UBE3B: variants seen among roughly 807,000 people sequenced by gnomAD.
UBE3B encodes ubiquitin protein ligase E3B.
UBE3B carries 80 observed loss-of-function variants against 132.3 expected under a neutral mutation model. The observed-to-expected ratio is 0.60, with a 90% CI of 0.50 to 0.73. The LOEUF (loss-of-function observed/expected upper bound fraction) is 0.73. UBE3B is among the 30% of genes least tolerant of loss of function. The pLI is 0.00. For synonymous variants in UBE3B, 487 were observed against 520.4 expected, an observed-to-expected ratio of 0.94 and a Z score of 0.87; for missense variants, 1,196 against 1,362.5, an observed-to-expected ratio of 0.88 and a Z score of 1.92.
In UBE3B at chr12:109,511,192, T is replaced by A. The variant is rs1486161297; in HGVS notation, c.1857-12T>A. ...CTTTTAATTCTCCCAAACCCATGTC[T>A]TTCTTCTCAAGGGATCTCAAACCTA... is the stretch of plus-strand genomic sequence containing the variant. On this transcript the variant is annotated splice_polypyrimidine_tract_variant and intron_variant, in intron 17 of 27. Transcript: ENST00000342494. The A allele has an allele frequency of 1.4e-5, 22 of 1,613,440 alleles. No individual in the cohort carries two copies. Among genetic ancestry groups the A allele is most frequent in the Non-Finnish European group, 1.9e-5 (22 of 1,179,614 alleles).
rs974252336 is a variant in UBE3B, at chr12:109,534,628, T to C, written c.3053T>C (p.Phe1018Ser). Residue 1018 changes from phenylalanine (F) to serine (S), a missense_variant, in exon 28 of 28, where the codon TTC (phenylalanine) becomes TCC (serine). By Grantham distance (155) the Phe-to-Ser change is radical (BLOSUM62 -2). Transcript: ENST00000342494. This position sits in a 1 kb window ranked among gnomAD's most constrained non-coding sequence, Gnocchi z 5.2. ...GDTLGSVLRG[F>S]FTIRKREPGG... ...ACTCTGGGCAGCGTCCTCCGGGGCT[T>C]CTTCACCATCCGCAAGCGGGAGCCA... is the stretch of plus-strand genomic sequence containing the variant. 6.2e-7 allele frequency: 1 copy of C among 1,611,454 alleles called. No homozygotes were observed. The highest frequency in any genetic ancestry group is 1.1e-5 in the South Asian group (1 of 90,824).
rs1297135111 is a variant in UBE3B at position 109,535,753 on chromosome 12, C to T, written c.*971C>T. On this transcript the variant is annotated 3_prime_UTR_variant, in exon 28 of 28. Coordinates refer to ENST00000342494, the MANE Select transcript of UBE3B (RefSeq NM_130466.4). ...TTGGGTCTTGCTGCCCATCCTTCCT[C>T]AGCACAGGGAACCCGGAAGCCCGTT... The T allele has an allele frequency of 6.6e-6, 1 of 152,262 alleles. No individual in the cohort carries two copies. Among genetic ancestry groups the T allele is most frequent in the Non-Finnish European group, 1.5e-5 (1 of 68,082 alleles). 9.4% of individuals were successfully genotyped at this position (152,262 alleles called of 1,614,324 possible).
At chr12:109,499,590 A>G (rs2135913020) in intron 11 of UBE3B, 43 bp from the exon 12 acceptor site, 1 of 1,496,378 alleles carries the variant, frequency 6.7e-7, no homozygotes, top group South Asian at 1.3e-5. Flanking sequence ...AGGCACCAAA[A>G]TGTTTGTCTG....
rs1874556684 is a variant in UBE3B at position 109,477,821 on chromosome 12, C to T, written c.-416C>T. On this transcript the variant is annotated 5_prime_UTR_variant, in exon 1 of 28. Transcript: ENST00000342494. ...GGTCCGGCCTGCGGGAGAACTGGGTCGTCAGTCCTCCGAGTGGTGGGGCTG... is the reference window on the plus strand; with the variant it reads ...GGTCCGGCCTGCGGGAGAACTGGGTTGTCAGTCCTCCGAGTGGTGGGGCTG... The T allele has an allele frequency of 6.2e-6, 1 of 160,604 alleles. No individual in the cohort carries two copies. The highest frequency in any genetic ancestry group is 1.4e-5 in the Non-Finnish European group (1 of 72,688). The allele number at this position is 160,604 out of a possible 1,614,324, so 9.9% of individuals were successfully genotyped here.
At position 109,483,609 on chromosome 12, in the gene UBE3B, C is replaced by G. The variant is rs1158534509; in HGVS notation, c.58C>G (p.Arg20Gly). The change falls in exon 3 of 28, where the codon CGA becomes GGA. Residue 20 changes from arginine to glycine, a missense_variant. Arg to Gly is a moderately radical substitution (Grantham distance 125). Coordinates refer to ENST00000342494, the MANE Select transcript of UBE3B (RefSeq NM_130466.4). Reference sequence around the variant, plus strand: ...GTTCATCGATAGAGCCCGTCAGGCACGAGAAGAAAGGCTTGTGCAGAAGGA... The same window carrying G: ...GTTCATCGATAGAGCCCGTCAGGCAGGAGAAGAAAGGCTTGTGCAGAAGGA... ...AWFIDRARQA[R>G]EERLVQKERE... The G allele has an allele frequency of 1.2e-5, 19 of 1,612,462 alleles. No homozygotes were observed. The highest frequency in any genetic ancestry group is 1.6e-5 in the Non-Finnish European group (19 of 1,179,578).
At chr12:109,482,315 A>G (rs955744574) in intron 2 of UBE3B, among the ~76,000 whole-genome samples, 2 of 152,022 alleles carry the variant, frequency 1.3e-5, no homozygotes, top group Non-Finnish European at 2.9e-5. Flanking sequence ...TAATTGTTCA[A>G]TCCTTACCCC....
intron 8 of UBE3B, chr12:109,490,300 T>C: frequency 7.9e-7 from 1 of 1,266,866 alleles, no homozygotes; most frequent in Non-Finnish European, 1.1e-6. Flanking sequence ...TTCCCTCAGA[T>C]TCCTTCTTGG....
rs748892701 is a variant in UBE3B, at chr12:109,534,603, A to G, written c.3028A>G (p.Thr1010Ala). The G allele has an allele frequency of 6.2e-7, 1 of 1,609,984 alleles. No homozygotes were observed. The highest frequency in any genetic ancestry group is 1.3e-5 in the African/African-American group (1 of 74,682). ...EVSDDQDTGD[T>A]LGSVLRGFFT... Reference sequence around the variant, plus strand: ...TGTGTGCCTTCAGGACACCGGGGACACTCTGGGCAGCGTCCTCCGGGGCTT... The same window carrying G: ...TGTGTGCCTTCAGGACACCGGGGACGCTCTGGGCAGCGTCCTCCGGGGCTT... Residue 1010 changes from threonine (T) to alanine (A), a missense_variant, in exon 28 of 28, where the codon ACT (threonine) becomes GCT (alanine). By Grantham distance (58) the Thr-to-Ala change is moderately conservative (BLOSUM62 0). Coordinates refer to ENST00000342494, the MANE Select transcript of UBE3B (RefSeq NM_130466.4). The surrounding 1 kb of genome is among the most constrained non-coding windows in gnomAD (Gnocchi z 5.2).
At position 109,501,223 on chromosome 12, in the gene UBE3B, A is replaced by G. The variant is rs373925222; in HGVS notation, c.1119-148A>G. 4.7e-5 allele frequency: 47 copies of G among 994,992 alleles called. No homozygotes were observed. The South Asian group carries it at 6.4e-4, about 14-fold the overall frequency. The allele number at this position is 994,992 out of a possible 1,614,324, so 61.6% of individuals were successfully genotyped here. On this transcript the variant is annotated intron_variant, in intron 12 of 27. Transcript: ENST00000342494. ...CCCTCAGCAATGATTTGTTAGTTCC[A>G]CTTTTTATTTTTGTAATCTTCTTTG...
Position 109,529,956 on chromosome 12 carries a change from C to T in UBE3B, c.2694C>T (p.Ala898=), listed in dbSNP as rs374127222. Residue 898 remains alanine (A), a synonymous_variant, in exon 25 of 28, where the codon GCC becomes GCT. Coordinates refer to ENST00000342494, the MANE Select transcript of UBE3B (RefSeq NM_130466.4). ...MHTQIKNQTA[A]LISGFRSIIK... is the part of the protein sequence containing the mutation. ...CTCAAATAAAAAACCAAACAGCTGC[C>T]CTCATTAGCGGATTCCGTTCCATTA... 2.5e-6 allele frequency: 4 copies of T among 1,614,042 alleles called. No individual in the cohort carries two copies. Among genetic ancestry groups the T allele is most frequent in the East Asian group, 2.2e-5 (1 of 44,898 alleles).
At chr12:109,490,448 A>T in intron 8 of UBE3B, 1 of 1,534,732 alleles carries the variant, frequency 6.5e-7, no homozygotes, top group Non-Finnish European at 8.7e-7. Flanking sequence ...GGAAGTCTTG[A>T]GTTTGAGAAG....
At chr12:109,489,837 G>A (rs886548259) in intron 7 of UBE3B, 82 bp from the exon 8 acceptor site, 27 of 1,315,374 alleles carry the variant, frequency 2.1e-5, no homozygotes, top group Middle Eastern at 2.1e-4. Context: ...GGCCTCGGAT[G>A]TGGGACACAA....
intron 23 of UBE3B, among the ~76,000 whole-genome samples, chr12:109,525,667 T>G (rs1882258728): frequency 6.6e-6 from 1 of 152,202 alleles, no homozygotes; most frequent in Admixed American, 6.5e-5. Flanking sequence ...TTACAGAGTT[T>G]AAAATAAATC....
intron 9 of UBE3B, among the ~76,000 whole-genome samples, chr12:109,495,224 T>A (rs1297595296): frequency 6.6e-6 from 1 of 152,208 alleles, no homozygotes; most frequent in Non-Finnish European, 1.5e-5. Flanking sequence ...CTCTTGAAAG[T>A]GAAAGTATAT....
chr12:109,485,472 G>A (rs1013733726), intron 4 of UBE3B, among the ~76,000 whole-genome samples: 16 of 152,224 alleles, frequency 1.1e-4, no homozygotes, highest in Admixed American at 8.5e-4. Flanking sequence ...GCTCAGGGTG[G>A]TAGGGCAGCT....
chr12:109,521,046 T>G lies in UBE3B; in HGVS notation c.2077-102T>G. On this transcript the variant is annotated intron_variant, in intron 19 of 27. Coordinates refer to ENST00000342494, the MANE Select transcript of UBE3B (RefSeq NM_130466.4). The surrounding 1 kb of genome is among the most constrained non-coding windows in gnomAD (Gnocchi z 4.2). The stretch of plus-strand genomic sequence containing the variant: ...ATCCACGTTTCATAATTTGCACATT[T>G]GGTAATGATGCTGGGAGAGCTTCGC... 1.5e-6 allele frequency: 2 copies of G among 1,366,210 alleles called. No homozygotes were observed. Among genetic ancestry groups the G allele is most frequent in the South Asian group, 1.4e-5 (1 of 71,994 alleles). 84.6% of individuals were successfully genotyped at this position (1,366,210 alleles called of 1,614,324 possible). A position where few individuals can be genotyped will look rare whatever the true frequency, so the allele number is the denominator to read the frequency against.
intron 6 of UBE3B, 29 bp from the exon 7 acceptor site, chr12:109,488,543 C>A: frequency 6.3e-7 from 1 of 1,597,288 alleles, no homozygotes; most frequent in South Asian, 1.1e-5. Flanking sequence ...AGACGTGTGT[C>A]TTAATCTTGC....
intron 18 of UBE3B, among the ~76,000 whole-genome samples, chr12:109,514,972 GGC>G (rs1485345442): frequency 6.6e-5 from 10 of 151,210 alleles, no homozygotes; most frequent in African/African-American, 2.4e-4. Flanking sequence ...GGAGTGCAGT[GGC>G]GCGATCTCAG....
intron 8 of UBE3B, chr12:109,490,406 G>A: frequency 6.6e-7 from 1 of 1,524,070 alleles, no homozygotes; most frequent in Non-Finnish European, 8.8e-7. Flanking sequence ...GGGAATTGTT[G>A]AGAAAGCCTG....
Sources: allele counts gnomAD v4.1 joint callset (sites outside exome capture counted in the v4.1 genomes callset), GRCh38; gene constraint gnomAD v4.1.1; non-coding constraint Gnocchi (gnomAD v3.1); transcripts MANE v1.5; gene names NCBI Gene and HGNC (gene_info 2026-07-23, HGNC 2026-07-21).